FOXJ3: variants seen among roughly 807,000 people sequenced by gnomAD.
The protein encoded by FOXJ3 is forkhead box J3, also known as forkhead box protein J3.
In FOXJ3, 22 loss-of-function variants were observed where a neutral mutation model predicts 76.1. The ratio of observed to expected loss-of-function variants is 0.29; its 90% CI spans 0.21 to 0.41. FOXJ3 has a LOEUF of 0.41. Among genes scored for constraint, FOXJ3 ranks in the 10% least tolerant of loss-of-function variants. FOXJ3 has a pLI of 1.00. For missense variants in FOXJ3, 613 were observed against 762.1 expected, an observed-to-expected ratio of 0.80 and a Z score of 2.30; for synonymous variants, 269 against 261.2, an observed-to-expected ratio of 1.03 and a Z score of -0.29.
intron 4 of FOXJ3, among the ~76,000 whole-genome samples, chr1:42,264,687 T>G (rs995793264): frequency 2.0e-5 from 3 of 152,144 alleles, no homozygotes; most frequent in Non-Finnish European, 4.4e-5. Flanking sequence ...TGTCAGGAGA[T>G]AAGAAGAGTC....
At chr1:42,281,996 T>C (rs189644740) in intron 2 of FOXJ3, among the ~76,000 whole-genome samples, 1,566 of 151,398 alleles carry the variant, frequency 0.01, 9 homozygotes, top group Non-Finnish European at 0.017. Context: ...GAGATGAAGG[T>C]TGCAGTGAGC....
intron 4 of FOXJ3, among the ~76,000 whole-genome samples, chr1:42,242,123 T>C (rs1649192425): frequency 6.6e-6 from 1 of 151,994 alleles, no homozygotes; most frequent in African/African-American, 2.4e-5. Flanking sequence ...GAAAAAGTCT[T>C]ACCCTAGGAA....
intron 5 of FOXJ3, among the ~76,000 whole-genome samples, chr1:42,209,958 G>A (rs761617802): frequency 1.3e-5 from 2 of 152,174 alleles, no homozygotes; most frequent in Admixed American, 6.5e-5. Flanking sequence ...GGAGGGATAT[G>A]GCCTGAAAAC....
intron 6 of FOXJ3, among the ~76,000 whole-genome samples, chr1:42,201,381 G>C (rs1229717486): frequency 1.3e-5 from 2 of 152,060 alleles, no homozygotes; most frequent in Admixed American, 6.5e-5. Flanking sequence ...ATGCTTCTTT[G>C]TAGATATTCT....
At chr1:42,236,071 A>T (rs1172753939) in intron 4 of FOXJ3, among the ~76,000 whole-genome samples, 1 of 152,196 alleles carries the variant, frequency 6.6e-6, no homozygotes, top group Non-Finnish European at 1.5e-5. Context: ...TTAGACAGTC[A>T]ATCAACGAAC....
intron 4 of FOXJ3, among the ~76,000 whole-genome samples, chr1:42,258,448 CAATAGGTTAA>C (rs1347447260): frequency 3.3e-5 from 5 of 152,146 alleles, no homozygotes; most frequent in Non-Finnish European, 7.3e-5. Flanking sequence ...CTAGCTTGGA[CAATAGGTTAA>C]ATAGCTACTG....
At chr1:42,269,876 C>G (rs115645513) in intron 3 of FOXJ3, among the ~76,000 whole-genome samples, 196 of 152,280 alleles carry the variant, frequency 1.3e-3, no homozygotes, top group African/African-American at 4.5e-3. Context: ...CTCAGCAAAA[C>G]TAGTACAACA....
intron 3 of FOXJ3, among the ~76,000 whole-genome samples, chr1:42,269,098 T>A (rs1413664698): frequency 1.3e-5 from 2 of 152,150 alleles, no homozygotes; most frequent in Non-Finnish European, 2.9e-5. Context: ...TTTTTGTTGT[T>A]ATAGCAGCCT....
chr1:42,217,771 G>A (rs549635303), intron 5 of FOXJ3, among the ~76,000 whole-genome samples: 2 of 152,312 alleles, frequency 1.3e-5, no homozygotes, highest in East Asian at 1.9e-4. Flanking sequence ...TGGGGATGAT[G>A]AAAATGTTAA....
In FOXJ3 at chr1:42,199,230, C is replaced by A; in HGVS notation, c.631G>T (p.Val211Leu). The A allele has an allele frequency of 6.2e-7, 1 of 1,608,170 alleles. No homozygotes were observed. The highest frequency in any genetic ancestry group is 1.1e-5 in the South Asian group (1 of 90,462). Residue 211 changes from valine to leucine, a missense_variant and splice_region_variant, in exon 7 of 13, where the codon GTA becomes TTA. Transcript: ENST00000361346. ...TCCTGATCAGTGTTATACAATGTTA[C>A]CTAAAATGAAAAAAGAAAAATGACA... is the stretch of plus-strand genomic sequence containing the variant. ...TLAINTVTNK[V>L]TLYNTDQDGS...
At chr1:42,188,052 G>A (rs1002327296) in intron 11 of FOXJ3, among the ~76,000 whole-genome samples, 1 of 152,190 alleles carries the variant, frequency 6.6e-6, no homozygotes, top group African/African-American at 2.4e-5. Context: ...TCAGGATAGA[G>A]AAGAGAGAGC....
intron 5 of FOXJ3, among the ~76,000 whole-genome samples, chr1:42,223,035 C>G (rs1201359039): frequency 1.3e-5 from 2 of 152,152 alleles, no homozygotes; most frequent in South Asian, 4.1e-4. Context: ...ATACTTTACC[C>G]TTGTCCTAAA....
chr1:42,214,758 G>T (rs1156956030), intron 5 of FOXJ3, among the ~76,000 whole-genome samples: 1 of 152,164 alleles, frequency 6.6e-6, no homozygotes, highest in African/African-American at 2.4e-5. Context: ...GGAGGAACTA[G>T]GGCAAAGACC....
chr1:42,332,758 TTGATA>T (rs1247090216), intron 1 of FOXJ3, among the ~76,000 whole-genome samples: 1 of 152,226 alleles, frequency 6.6e-6, no homozygotes, highest in Admixed American at 6.5e-5. Flanking sequence ...GTCAAGCTCC[TTGATA>T]TCATTTGTAC....
At chr1:42,216,095 G>A (rs974119761) in intron 5 of FOXJ3, among the ~76,000 whole-genome samples, 3 of 152,128 alleles carry the variant, frequency 2.0e-5, no homozygotes, top group Non-Finnish European at 4.4e-5. Context: ...GAAAAACTAA[G>A]TGAATTTGTT....
intron 1 of FOXJ3, among the ~76,000 whole-genome samples, chr1:42,319,992 C>T (rs753172212): frequency 1.3e-5 from 2 of 152,090 alleles, no homozygotes; most frequent in Non-Finnish European, 2.9e-5. Flanking sequence ...GTTTCATACA[C>T]CTGAAAAAAT....
At chr1:42,212,995 A>C (rs2124372651) in intron 5 of FOXJ3, among the ~76,000 whole-genome samples, 1 of 151,022 alleles carries the variant, frequency 6.6e-6, no homozygotes, top group Admixed American at 6.6e-5. Flanking sequence ...AAGTTTCATA[A>C]GTGAAGGAGA....
At chr1:42,331,377 G>C (rs889539449) in intron 1 of FOXJ3, among the ~76,000 whole-genome samples, 2 of 151,660 alleles carry the variant, frequency 1.3e-5, no homozygotes, top group African/African-American at 2.4e-5. Context: ...GAGAAACTCT[G>C]TCTCAAATAA....
At chr1:42,208,932 T>C (rs1646912269) in intron 5 of FOXJ3, among the ~76,000 whole-genome samples, 1 of 152,240 alleles carries the variant, frequency 6.6e-6, no homozygotes, top group Non-Finnish European at 1.5e-5. Flanking sequence ...ATGTAATTTA[T>C]TGAATACTAT....
Sources: gnomAD v4.1 joint callset for allele counts (sites outside exome capture counted in the v4.1 genomes callset) on GRCh38, gnomAD v4.1.1 for gene constraint, MANE v1.5 for transcripts, NCBI Gene and HGNC (gene_info 2026-07-23, HGNC 2026-07-21) for gene names.